CMSS1: variants seen among roughly 807,000 people sequenced by gnomAD.
CMSS1 encodes the protein protein CMSS1.
A neutral mutation model predicts 43.5 loss-of-function variants in CMSS1; 33 were observed. The observed-to-expected ratio is 0.76, with a 90% CI of 0.57 to 1.01. The LOEUF (loss-of-function observed/expected upper bound fraction) is 1.01. Among genes scored for constraint, CMSS1 ranks in the 50% least tolerant of loss-of-function variants. The pLI is 0.00. For missense variants in CMSS1, 313 were observed against 326.4 expected (o/e 0.96, Z 0.32); for synonymous variants, 115 against 117.2 (o/e 0.98, Z 0.12).
chr3:99,924,558 G>T (rs1215919771), intron 1 of CMSS1: 1 of 775,644 alleles, frequency 1.3e-6, no homozygotes, highest in Non-Finnish European at 2.1e-6. Context: ...CGCTGTCGTT[G>T]CCCAGGCTGG....
intron 1 of CMSS1, among the ~76,000 whole-genome samples, chr3:99,970,853 A>G (rs1053537184): frequency 9.2e-5 from 14 of 152,232 alleles, no homozygotes; most frequent in Admixed American, 1.3e-4. Context: ...TGAGGATATT[A>G]TAGATAAATG....
At chr3:99,957,807 C>T (rs996361070) in intron 1 of CMSS1, among the ~76,000 whole-genome samples, 5 of 146,040 alleles carry the variant, frequency 3.4e-5, no homozygotes, top group African/African-American at 1.3e-4. Flanking sequence ...AGCTTTTTCA[C>T]ACATAGCTTG....
At chr3:100,096,873 T>C (rs1319226158) in intron 1 of CMSS1, among the ~76,000 whole-genome samples, 1 of 152,206 alleles carries the variant, frequency 6.6e-6, no homozygotes, top group Non-Finnish European at 1.5e-5. Flanking sequence ...ATATCTCATA[T>C]ACCCCATAAA....
chr3:100,065,177 C>A (rs967010134), intron 1 of CMSS1, among the ~76,000 whole-genome samples: 34 of 152,114 alleles, frequency 2.2e-4, no homozygotes, highest in African/African-American at 8.0e-4. Context: ...TGCGGGTTCC[C>A]AGGCCCCACC....
intron 1 of CMSS1, among the ~76,000 whole-genome samples, chr3:99,935,552 T>G (rs1707636556): frequency 6.6e-6 from 1 of 152,214 alleles, no homozygotes; most frequent in Non-Finnish European, 1.5e-5. Context: ...TGGGATAGGT[T>G]GTCCCATGAG....
chr3:99,971,345 A>AAG (rs1451522098), intron 1 of CMSS1, among the ~76,000 whole-genome samples: 6 of 151,668 alleles, frequency 4.0e-5, no homozygotes, highest in Non-Finnish European at 7.4e-5. Flanking sequence ...AAAAAAAAAA[A>AAG]AAAAGAGAAT....
At chr3:100,065,497 G>A (rs577707212) in intron 1 of CMSS1, among the ~76,000 whole-genome samples, 55 of 152,244 alleles carry the variant, frequency 3.6e-4, no homozygotes, top group South Asian at 8.3e-4. Flanking sequence ...CCATCTACCC[G>A]TGGCTGCCTC....
At chr3:100,052,300 T>C (rs1170222954) in intron 1 of CMSS1, among the ~76,000 whole-genome samples, 3 of 152,244 alleles carry the variant, frequency 2.0e-5, no homozygotes, top group Non-Finnish European at 4.4e-5. Flanking sequence ...AAAAAACTAA[T>C]GCAGAGCAAT....
intron 1 of CMSS1, among the ~76,000 whole-genome samples, chr3:100,115,573 C>CCG (rs1559762552): frequency 5.0e-5 from 5 of 100,580 alleles, no homozygotes; most frequent in Non-Finnish European, 6.2e-5. Context: ...CTCTCTCTCT[C>CCG]TGTCTCTCTC....
rs201683932 is a variant in CMSS1 at position 99,989,684 on chromosome 3, A to AT, written c.65-157281dup. 1.2e-3 allele frequency among the ~76,000 whole-genome samples: 70 copies of AT among 58,388 alleles called. No homozygotes were observed. In the South Asian group the frequency reaches 0.015, roughly 13 times the overall value. The allele number at this position is 58,388 out of a possible 152,430, so 38.3% of individuals were successfully genotyped here. On this transcript the variant is annotated intron_variant, in intron 1 of 9. Transcript: ENST00000421999. ...TTCCTCTATATATATATATATATAT[A>AT]TTTTTTTTCTTTTTTTTGCAGAAAA...
chr3:99,869,093 A>G (rs916193662), intron 1 of CMSS1, among the ~76,000 whole-genome samples: 12 of 152,174 alleles, frequency 7.9e-5, no homozygotes, highest in Non-Finnish European at 1.5e-4. Context: ...AGTTCTCAGA[A>G]TGACTTGTTA....
At chr3:100,067,414 C>A (rs1019345982) in intron 1 of CMSS1, among the ~76,000 whole-genome samples, 1 of 152,130 alleles carries the variant, frequency 6.6e-6, no homozygotes, top group African/African-American at 2.4e-5. Flanking sequence ...AAGGTGGAGG[C>A]TTTTGGAATG....
chr3:99,876,192 G>T (rs995604014), intron 1 of CMSS1: 1 of 985,444 alleles, frequency 1.0e-6, no homozygotes, highest in East Asian at 1.1e-4. Context: ...CGCTGAGCGC[G>T]CCCGGCCTAT....
chr3:100,048,925 G>A (rs1389303320), intron 1 of CMSS1, among the ~76,000 whole-genome samples: 1 of 152,122 alleles, frequency 6.6e-6, no homozygotes, highest in African/African-American at 2.4e-5. Context: ...TTATGGAAAA[G>A]CACTTTTGTT....
At chr3:99,907,971 A>T (rs1706675815) in intron 1 of CMSS1, among the ~76,000 whole-genome samples, 1 of 152,238 alleles carries the variant, frequency 6.6e-6, no homozygotes, top group Non-Finnish European at 1.5e-5. Context: ...AATGAACTAG[A>T]TGATAAGTAA....
At chr3:100,067,187 GT>G (rs1162284759) in intron 1 of CMSS1, among the ~76,000 whole-genome samples, 2 of 151,794 alleles carry the variant, frequency 1.3e-5, no homozygotes, top group African/African-American at 4.8e-5. Context: ...TTGTTTGTTT[GT>G]TTGTTTGTTT....
At chr3:100,142,108 A>T (rs2066810348) in intron 1 of CMSS1, among the ~76,000 whole-genome samples, 1 of 152,258 alleles carries the variant, frequency 6.6e-6, no homozygotes, top group Non-Finnish European at 1.5e-5. Flanking sequence ...TTATATGTTA[A>T]AAGGTGTCAC....
intron 4 of CMSS1, among the ~76,000 whole-genome samples, chr3:100,165,148 C>T (rs2067055784): frequency 6.6e-6 from 1 of 152,160 alleles, no homozygotes. Context: ...AAATCTGTAT[C>T]TTCAGTTCTC....
intron 1 of CMSS1, chr3:99,898,764 TAAA>T (rs35626116): frequency 9.9e-4 from 122 of 123,622 alleles, no homozygotes; most frequent in Middle Eastern, 8.6e-3. Context: ...AGACTCCATC[TAAA>T]AAAAAAAAAA....
Sources: gnomAD v4.1 joint callset for allele counts (sites outside exome capture counted in the v4.1 genomes callset) on GRCh38, gnomAD v4.1.1 for gene constraint, MANE v1.5 for transcripts, NCBI Gene and HGNC (gene_info 2026-07-23, HGNC 2026-07-21) for gene names.